Variants in EPHX2 observed in about 807,000 individuals in gnomAD.
EPHX2 encodes the protein epoxide hydrolase 2.
EPHX2 carries 74 observed loss-of-function variants against 78.7 expected under a neutral mutation model. That is an observed-to-expected ratio of 0.94 (90% CI 0.78 to 1.14). The LOEUF (loss-of-function observed/expected upper bound fraction) is 1.14. Among genes scored for constraint, EPHX2 ranks in the 50% most tolerant of loss-of-function variants. The pLI, the probability that EPHX2 is intolerant of heterozygous loss-of-function variation, is 0.00. For synonymous variants in EPHX2, 251 were observed against 255.2 expected (o/e 0.98, Z 0.16); for missense variants, 715 against 702.5 (o/e 1.02, Z -0.20).
chr8:27,525,103 T>TGCGCGC lies in EPHX2; in HGVS notation c.1059-258_1059-257insCGCGCG, dbSNP rs1427610372. 2.9e-3 allele frequency among the ~76,000 whole-genome samples: 381 copies of TGCGCGC among 131,376 alleles called. 3 individuals are homozygous for TGCGCGC. The highest frequency in any genetic ancestry group is 0.011 in the African/African-American group (321 of 29,452). 86.2% of individuals were successfully genotyped at this position (131,376 alleles called of 152,430 possible). A position where few individuals can be genotyped will look rare whatever the true frequency, so the allele number is the denominator to read the frequency against. ...GTGTGTGTGTGTGTGTGTGTGTGTG[T>TGCGCGC]GTGTGCGCGCGCGCGCGCGCACCTA... On this transcript the variant is annotated intron_variant, in intron 11 of 18. Transcript: ENST00000521400.
chr8:27,495,618 A>T (rs1813544108), intron 1 of EPHX2, among the ~76,000 whole-genome samples: 1 of 152,172 alleles, frequency 6.6e-6, no homozygotes, highest in Non-Finnish European at 1.5e-5. Context: ...CTAGTATGCC[A>T]TTTACATCAT....
chr8:27,526,128 G>C (rs1366969682), intron 12 of EPHX2, among the ~76,000 whole-genome samples: 1 of 152,204 alleles, frequency 6.6e-6, no homozygotes, highest in Non-Finnish European at 1.5e-5. Context: ...GAGAGGAATG[G>C]AAGGAATTAA....
At position 27,503,645 on chromosome 8, in the gene EPHX2, G is replaced by T. The variant is rs771002906; in HGVS notation, c.228G>T (p.Glu76Asp). The change falls in exon 3 of 19, where the codon GAG becomes GAT. Residue 76 changes from glutamate (E) to aspartate (D), a missense_variant. Coordinates refer to ENST00000521400, the MANE Select transcript of EPHX2 (RefSeq NM_001979.6). ...AAGAAAACTGCAGGAAGTGCTCCGA[G>T]ACCGCTAAAGTCTGCCTCCCCAAGA... Reference protein sequence around the residue: ...LMEENCRKCSETAKVCLPKNF... With the variant: ...LMEENCRKCSDTAKVCLPKNF... The T allele has an allele frequency of 6.2e-7, 1 of 1,613,698 alleles. No homozygotes were observed. The highest frequency in any genetic ancestry group is 1.1e-5 in the South Asian group (1 of 90,922).
At chr8:27,511,788 G>A (rs370422291) in intron 5 of EPHX2, 48 bp from the exon 6 acceptor site, 44 of 1,576,654 alleles carry the variant, frequency 2.8e-5, no homozygotes, top group Middle Eastern at 3.3e-4. Flanking sequence ...AGCCTCTCAC[G>A]GAAGGAGGCT....
chr8:27,525,195 C>T (rs530811562), intron 11 of EPHX2, among the ~76,000 whole-genome samples, 167 bp from the exon 12 acceptor site: 20 of 151,732 alleles, frequency 1.3e-4, no homozygotes, highest in Non-Finnish European at 2.4e-4. Flanking sequence ...GACTAGGAAT[C>T]GAAAATCCTG....
chr8:27,538,042 T>C (rs996432674), intron 13 of EPHX2, among the ~76,000 whole-genome samples: 6 of 152,236 alleles, frequency 3.9e-5, no homozygotes, highest in Non-Finnish European at 8.8e-5. Context: ...GTTGTTGTTG[T>C]TCTTGTTTAC....
intron 12 of EPHX2, among the ~76,000 whole-genome samples, chr8:27,528,720 G>A (rs1316701689): frequency 3.3e-5 from 5 of 152,184 alleles, no homozygotes; most frequent in Non-Finnish European, 7.3e-5. Flanking sequence ...GGAGCACTGA[G>A]GCTGTTCCAG....
At chr8:27,526,315 G>A (rs1225918509) in intron 12 of EPHX2, among the ~76,000 whole-genome samples, 6 of 152,176 alleles carry the variant, frequency 3.9e-5, no homozygotes, top group South Asian at 2.1e-4. Flanking sequence ...GGAGCTTTGC[G>A]ATTCAGGCAA....
chr8:27,519,012 G>T (rs184526625), intron 9 of EPHX2, among the ~76,000 whole-genome samples: 9 of 152,328 alleles, frequency 5.9e-5, no homozygotes, highest in African/African-American at 2.2e-4. Flanking sequence ...TCACTTAGGA[G>T]AACTGGTCTC....
downstream of EPHX2, among the ~76,000 whole-genome samples, chr8:27,547,934 A>G (rs780200489): frequency 6.6e-6 from 1 of 152,082 alleles, no homozygotes; most frequent in Admixed American, 6.6e-5. Flanking sequence ...TTTTTATTTC[A>G]TGATTACAAA....
At position 27,536,962 on chromosome 8, in the gene EPHX2, T is replaced by C. The variant is rs924306946; in HGVS notation, c.1242+107T>C. 5 of 1,197,016 alleles carry C rather than the reference T, an allele frequency of 4.2e-6. No homozygotes were observed. In the African/African-American group the frequency reaches 7.7e-5, roughly 18 times the overall value. 74.1% of individuals were successfully genotyped at this position (1,197,016 alleles called of 1,614,324 possible). ...GGAGTAGCAATCTGGCCTCCTTTTCTTTCATTTCTATAGTCAGGGTAATTG... is the reference window on the plus strand; with the variant it reads ...GGAGTAGCAATCTGGCCTCCTTTTCCTTCATTTCTATAGTCAGGGTAATTG... On this transcript the variant is annotated intron_variant, in intron 13 of 18. Transcript: ENST00000521400.
At chr8:27,515,861 G>C (rs1473026894) in intron 7 of EPHX2, 48 bp downstream of exon 7, 2 of 1,524,928 alleles carry the variant, frequency 1.3e-6, no homozygotes, top group Non-Finnish European at 1.8e-6. Flanking sequence ...GGTTGGGGGA[G>C]TCTAGATGGT....
At chr8:27,522,397 C>T (rs774141265) in intron 10 of EPHX2, 26 bp from the exon 11 acceptor site, 14 of 1,610,430 alleles carry the variant, frequency 8.7e-6, no homozygotes, top group East Asian at 4.5e-5. Flanking sequence ...TCCCCACATT[C>T]GGCTCCCTTC....
At chr8:27,493,551 A>G (rs750688065) in intron 1 of EPHX2, among the ~76,000 whole-genome samples, 12 of 152,206 alleles carry the variant, frequency 7.9e-5, no homozygotes, top group Non-Finnish European at 1.3e-4. Flanking sequence ...TTCCTGTAGC[A>G]GTGGGCATTC....
chr8:27,500,994 A>C lies in EPHX2; in HGVS notation c.170A>C (p.Glu57Ala), dbSNP rs753014790. The C allele has an allele frequency of 6.2e-7, 1 of 1,613,316 alleles. No individual in the cohort carries two copies. The highest frequency in any genetic ancestry group is 8.5e-7 in the Non-Finnish European group (1 of 1,179,620). The change falls in exon 2 of 19, where the codon GAG (glutamate) becomes GCG (alanine). Residue 57 changes from glutamate (E) to alanine (A), a missense_variant. Glu to Ala is a moderately radical substitution (Grantham distance 107). Coordinates refer to ENST00000521400, the MANE Select transcript of EPHX2 (RefSeq NM_001979.6). Reference protein sequence around the residue: ...EGATTRLMKGEITLSQWIPLM... With the variant: ...EGATTRLMKGAITLSQWIPLM... ...GCCACTACCCGGCTTATGAAAGGAGAGATCACACTTTCCCAGGTGAGGGGA... is the reference window on the plus strand; with the variant it reads ...GCCACTACCCGGCTTATGAAAGGAGCGATCACACTTTCCCAGGTGAGGGGA...
intron 8 of EPHX2, among the ~76,000 whole-genome samples, chr8:27,517,721 C>A (rs1284846578): frequency 1.3e-5 from 2 of 152,170 alleles, no homozygotes; most frequent in Non-Finnish European, 2.9e-5. Flanking sequence ...TTACACCACA[C>A]ACAAAAATCA....
In EPHX2 at chr8:27,544,613, C is replaced by A; in HGVS notation, c.*91C>A. The stretch of plus-strand genomic sequence containing the variant: ...TATACAGAGGTGGCCTTACACACAT[C>A]TTGCATGGATGGCAGCATTGTTCTG... On this transcript the variant is annotated 3_prime_UTR_variant, in exon 19 of 19. Coordinates refer to ENST00000521400, the MANE Select transcript of EPHX2 (RefSeq NM_001979.6). 7.6e-7 allele frequency: 1 copy of A among 1,309,386 alleles called. No homozygotes were observed. Among genetic ancestry groups the A allele is most frequent in the Non-Finnish European group, 1.1e-6 (1 of 907,074 alleles). The allele number at this position is 1,309,386 out of a possible 1,614,324, so 81.1% of individuals were successfully genotyped here.
chr8:27,523,845 A>T (rs1238643269), intron 11 of EPHX2, among the ~76,000 whole-genome samples: 1 of 152,146 alleles, frequency 6.6e-6, no homozygotes, highest in African/African-American at 2.4e-5. Context: ...GTTACCCTGC[A>T]GACTGCACAA....
At chr8:27,537,484 T>A (rs909392282) in intron 13 of EPHX2, among the ~76,000 whole-genome samples, 1 of 152,252 alleles carries the variant, frequency 6.6e-6, no homozygotes, top group African/African-American at 2.4e-5. Context: ...TTTTAGAAAC[T>A]TCTGTCATTG....
Sources: allele counts gnomAD v4.1 joint callset (sites outside exome capture counted in the v4.1 genomes callset), GRCh38; gene constraint gnomAD v4.1.1; transcripts MANE v1.5; gene names NCBI Gene and HGNC (gene_info 2026-07-23, HGNC 2026-07-21).